The following WWOX variants were observed in gnomAD, a reference collection of about 807,000 sequenced individuals.
WWOX encodes WW domain-containing oxidoreductase.
WWOX carries 69 observed loss-of-function variants against 46.2 expected under a neutral mutation model. The observed-to-expected ratio is 1.49, with a 90% CI of 1.23 to 1.82. The LOEUF (loss-of-function observed/expected upper bound fraction) is 1.82, where lower values mean the gene tolerates loss of function less well. Among genes scored for constraint, WWOX ranks in the 40% most tolerant of loss-of-function variants. WWOX has a pLI of 0.00. For missense variants in WWOX, 919 were observed against 542.6 expected, an observed-to-expected ratio of 1.69 and a Z score of -6.89; for synonymous variants, 359 against 202.6, an observed-to-expected ratio of 1.77 and a Z score of -6.56.
At chr16:78,411,315 C>T (rs993051230) in intron 6 of WWOX, among the ~76,000 whole-genome samples, 3 of 151,974 alleles carry the variant, frequency 2.0e-5, no homozygotes, top group East Asian at 1.9e-4. Context: ...AGTAATATGC[C>T]ATTGTGTGTT....
chr16:78,439,690 C>T (rs72797998), intron 8 of WWOX, among the ~76,000 whole-genome samples: 17,956 of 152,162 alleles, frequency 0.12, 1,325 homozygotes, highest in East Asian at 0.2. Flanking sequence ...TGCTTTAGGC[C>T]GCAAGTTATT....
At chr16:78,688,141 T>C (rs2047904192) in intron 8 of WWOX, among the ~76,000 whole-genome samples, 1 of 152,140 alleles carries the variant, frequency 6.6e-6, no homozygotes, top group Non-Finnish European at 1.5e-5. Context: ...GCAATAGAAA[T>C]GCATTTCAAA....
intron 8 of WWOX, among the ~76,000 whole-genome samples, chr16:78,761,685 A>C (rs1382096882): frequency 6.6e-6 from 1 of 151,494 alleles, no homozygotes; most frequent in African/African-American, 2.4e-5. Flanking sequence ...AACACTTAAT[A>C]CCTCCTTGGC....
At chr16:78,388,424 G>C (rs922385403) in intron 6 of WWOX, among the ~76,000 whole-genome samples, 5 of 151,176 alleles carry the variant, frequency 3.3e-5, no homozygotes, top group South Asian at 2.1e-4. Flanking sequence ...AGGCGGGGAG[G>C]GTCATGAGGT....
At chr16:78,434,164 C>T (rs187689154) in intron 8 of WWOX, among the ~76,000 whole-genome samples, 87 of 152,226 alleles carry the variant, frequency 5.7e-4, no homozygotes, top group Middle Eastern at 6.8e-3. Context: ...ATCTTTTATT[C>T]TAATCACCCA....
chr16:78,117,291 G>A (rs1376745173), intron 4 of WWOX, among the ~76,000 whole-genome samples: 5 of 152,098 alleles, frequency 3.3e-5, no homozygotes, highest in Non-Finnish European at 1.5e-5. Flanking sequence ...AAGGTCTTAG[G>A]GAGACCAGCC....
intron 5 of WWOX, among the ~76,000 whole-genome samples, chr16:78,205,611 A>T (rs945356186): frequency 2.2e-4 from 33 of 149,002 alleles, no homozygotes; most frequent in Admixed American, 2.1e-3. Flanking sequence ...ACACACTTCC[A>T]TCTGCCTTTC....
chr16:78,993,430 A>G (rs1048778930), intron 8 of WWOX, among the ~76,000 whole-genome samples: 12 of 152,222 alleles, frequency 7.9e-5, no homozygotes, highest in Non-Finnish European at 1.5e-4. Flanking sequence ...CCTCTCGGAC[A>G]TGACAGTGCG....
At chr16:78,324,854 T>C (rs2080575723) in intron 5 of WWOX, among the ~76,000 whole-genome samples, 1 of 152,176 alleles carries the variant, frequency 6.6e-6, no homozygotes, top group Non-Finnish European at 1.5e-5. Flanking sequence ...TCTGTGTTGG[T>C]TGCACAACTC....
At chr16:79,114,502 C>G (rs1359060691) in intron 8 of WWOX, among the ~76,000 whole-genome samples, 1 of 151,688 alleles carries the variant, frequency 6.6e-6, no homozygotes, top group Non-Finnish European at 1.5e-5. Flanking sequence ...TGGAGCGATG[C>G]TGCCATAAGC....
intron 8 of WWOX, among the ~76,000 whole-genome samples, chr16:78,661,535 C>G (rs908423146): frequency 1.3e-5 from 2 of 152,076 alleles, no homozygotes; most frequent in Non-Finnish European, 2.9e-5. Flanking sequence ...TTAGCTTTCA[C>G]CGCGGCATCT....
chr16:78,929,934 G>A lies in WWOX; in HGVS notation c.1057-281674G>A, dbSNP rs1401726977. On this transcript the variant is annotated intron_variant, in intron 8 of 8. Transcript: ENST00000566780. ...TTCTAAGAGGTACACGGTAGTTCAG[G>A]ATAAAAATTCCCTGTGCTAACTGCC... is the stretch of plus-strand genomic sequence containing the variant. Among the ~76,000 whole-genome samples the A allele has an allele frequency of 2.0e-5, 3 of 152,072 alleles. No individual in the cohort carries two copies. The East Asian group carries it at 5.8e-4, about 29-fold the overall frequency.
chr16:78,522,855 C>G (rs965532283), intron 8 of WWOX, among the ~76,000 whole-genome samples: 1 of 152,098 alleles, frequency 6.6e-6, no homozygotes, highest in Non-Finnish European at 1.5e-5. Context: ...GTGGATCACT[C>G]GAGGTCAGGA....
intron 8 of WWOX, among the ~76,000 whole-genome samples, chr16:78,639,827 C>T (rs1268677013): frequency 6.6e-6 from 1 of 152,148 alleles, no homozygotes; most frequent in Non-Finnish European, 1.5e-5. Context: ...CAGCCTCCCA[C>T]AGTGTTGGGA....
At chr16:78,451,073 A>G (rs2083679652) in intron 8 of WWOX, among the ~76,000 whole-genome samples, 1 of 152,114 alleles carries the variant, frequency 6.6e-6, no homozygotes, top group Non-Finnish European at 1.5e-5. Flanking sequence ...AAGCTTGTTT[A>G]TTGCATCTTC....
chr16:78,996,058 A>C (rs2046981673), intron 8 of WWOX: 1 of 289,274 alleles, frequency 3.5e-6, no homozygotes. Context: ...GGTGATTCCA[A>C]ATCCAGATCC....
chr16:78,291,673 A>G (rs2151860905), intron 5 of WWOX, among the ~76,000 whole-genome samples: 1 of 152,292 alleles, frequency 6.6e-6, no homozygotes, highest in Non-Finnish European at 1.5e-5. Context: ...TTCAGAAAGG[A>G]TTGGCTTGGC....
chr16:78,546,995 G>A (rs970647705), intron 8 of WWOX, among the ~76,000 whole-genome samples: 5 of 151,930 alleles, frequency 3.3e-5, no homozygotes, highest in Admixed American at 6.6e-5. Context: ...GGGCATGGTA[G>A]TGCATGCCTG....
intron 8 of WWOX, among the ~76,000 whole-genome samples, chr16:79,115,735 C>T (rs2049503195): frequency 6.6e-6 from 1 of 152,172 alleles, no homozygotes; most frequent in Admixed American, 6.5e-5. Context: ...AGTGATAGGA[C>T]TGACCTGCGT....
Sources: allele counts gnomAD v4.1 joint callset (sites outside exome capture counted in the v4.1 genomes callset), GRCh38; gene constraint gnomAD v4.1.1; transcripts MANE v1.5; gene names NCBI Gene and HGNC (gene_info 2026-07-23, HGNC 2026-07-21).